IGF1R: variants seen among roughly 807,000 people sequenced by gnomAD.
IGF1R encodes insulin-like growth factor 1 receptor.
IGF1R carries 44 observed loss-of-function variants against 144.6 expected under a neutral mutation model. The ratio of observed to expected loss-of-function variants is 0.30; its 90% CI spans 0.24 to 0.39. The LOEUF (loss-of-function observed/expected upper bound fraction) is 0.39, where lower values mean the gene tolerates loss of function less well. Among genes scored for constraint, IGF1R ranks in the 10% least tolerant of loss-of-function variants. The pLI is 1.00. For synonymous variants in IGF1R, 795 were observed against 722.8 expected (o/e 1.10, Z -1.60); for missense variants, 1,355 against 1,833.7 (o/e 0.74, Z 4.77).
rs545018545 is a variant in IGF1R at position 98,809,498 on chromosome 15, A to C, written c.641-81827A>C. On this transcript the variant is annotated intron_variant, in intron 2 of 20. Coordinates refer to ENST00000650285, the MANE Select transcript of IGF1R (RefSeq NM_000875.5). ...GGGCATTGGGAACATTGCCTGGTCT[A>C]CCGGGCAAGAAACGTGAACCACCGC... 1.1e-3 allele frequency among the ~76,000 whole-genome samples: 163 copies of C among 152,246 alleles called. 3 individuals carry two copies. Among genetic ancestry groups the C allele is most frequent in the South Asian group, 1.9e-3 (9 of 4,816 alleles).
chr15:98,774,380 TG>T (rs1341477234), intron 2 of IGF1R, among the ~76,000 whole-genome samples: 2 of 152,238 alleles, frequency 1.3e-5, no homozygotes, highest in Non-Finnish European at 2.9e-5. Context: ...CTGAAGGATG[TG>T]TTTACCATTG....
At chr15:98,888,438 A>AGAGTGTGT (rs1555457179) in intron 2 of IGF1R, among the ~76,000 whole-genome samples, 4,003 of 143,396 alleles carry the variant, frequency 0.028, 80 homozygotes, top group African/African-American at 0.056. Context: ...AGAGAGAGAG[A>AGAGTGTGT]GTGTGTGTGT....
At chr15:98,734,811 G>A (rs2054574747) in intron 2 of IGF1R, 1 of 152,158 alleles carries the variant, frequency 6.6e-6, no homozygotes, top group Non-Finnish European at 1.5e-5. Context: ...TCTTCTAAGT[G>A]TGATTTTTGC....
chr15:98,799,813 C>G (rs565615360), intron 2 of IGF1R, among the ~76,000 whole-genome samples: 1 of 152,110 alleles, frequency 6.6e-6, no homozygotes, highest in Admixed American at 6.5e-5. Context: ...CACCTGCCCC[C>G]CTTCAAGGTT....
intron 2 of IGF1R, among the ~76,000 whole-genome samples, chr15:98,867,690 G>A (rs976275483): frequency 6.6e-6 from 1 of 152,126 alleles, no homozygotes; most frequent in African/African-American, 2.4e-5. Flanking sequence ...TTACAAACGG[G>A]TAGACCAAGT....
rs1231772717 is a variant in IGF1R, at chr15:98,648,762, A to C, written c.-820A>C. Among the ~76,000 whole-genome samples the C allele has an allele frequency of 1.4e-5, 2 of 143,620 alleles. No individual in the cohort carries two copies. Among genetic ancestry groups the C allele is most frequent in the Admixed American group, 1.4e-4 (2 of 14,696 alleles). 94.2% of individuals were successfully genotyped at this position (143,620 alleles called of 152,430 possible). A position where few individuals can be genotyped will look rare whatever the true frequency, so the allele number is the denominator to read the frequency against. On this transcript the variant is annotated 5_prime_UTR_variant, in exon 1 of 21. Coordinates refer to ENST00000650285, the MANE Select transcript of IGF1R (RefSeq NM_000875.5). ...CTCCCCGGATCCCCCCGCGCCCTCC[A>C]CGCCCCTCCCGCGCGGGGGCAGCTC...
rs1298382031 is a variant in IGF1R, at chr15:98,916,891, T to C, written c.2201+15T>C. ...TTCGTGCCCAGGTACCCAGCTCATG[T>C]GAAATTTCAGTTGGCAAAACCCACT... On this transcript the variant is annotated intron_variant, in intron 10 of 20. Transcript: ENST00000650285. 1.2e-6 allele frequency: 2 copies of C among 1,613,072 alleles called. No individual in the cohort carries two copies. The highest frequency in any genetic ancestry group is 1.7e-6 in the Non-Finnish European group (2 of 1,179,140).
chr15:98,865,473 G>A (rs1567167764), intron 2 of IGF1R, among the ~76,000 whole-genome samples: 1 of 152,160 alleles, frequency 6.6e-6, no homozygotes, highest in African/African-American at 2.4e-5. Flanking sequence ...GTGCATAGCG[G>A]CCACGTGACT....
chr15:98,813,779 T>G (rs2056641626), intron 2 of IGF1R, among the ~76,000 whole-genome samples: 2 of 152,234 alleles, frequency 1.3e-5, no homozygotes, highest in South Asian at 4.1e-4. Flanking sequence ...TATGTCCGAA[T>G]GCTAAGACTT....
chr15:98,956,931 G>A, intron 20 of IGF1R, 130 bp from the exon 21 acceptor site: 1 of 1,019,532 alleles, frequency 9.8e-7, no homozygotes, highest in South Asian at 1.3e-5. Flanking sequence ...GATGGAGAGG[G>A]GCAGCAGGGC....
rs931165030 is a variant in IGF1R, at chr15:98,860,009, G to A, written c.641-31316G>A. Among the ~76,000 whole-genome samples the A allele has an allele frequency of 5.9e-5, 9 of 152,074 alleles. No individual in the cohort carries two copies. In the East Asian group the frequency reaches 7.7e-4, roughly 13 times the overall value. Reference sequence around the variant, plus strand: ...CGGCTCACTGCAACCTTCACCTCCCGGGTTCAAGCAATTCTCCTGCCTCAG... The same window carrying A: ...CGGCTCACTGCAACCTTCACCTCCCAGGTTCAAGCAATTCTCCTGCCTCAG... On this transcript the variant is annotated intron_variant, in intron 2 of 20. Transcript: ENST00000650285.
chr15:98,926,117 T>G (rs1476544239), intron 13 of IGF1R, among the ~76,000 whole-genome samples: 2 of 152,194 alleles, frequency 1.3e-5, no homozygotes, highest in Non-Finnish European at 2.9e-5. Flanking sequence ...TACATATACA[T>G]TATAGAATAC....
intron 2 of IGF1R, among the ~76,000 whole-genome samples, chr15:98,727,523 G>C (rs927853449): frequency 1.2e-4 from 18 of 152,174 alleles, no homozygotes; most frequent in African/African-American, 3.9e-4. Context: ...TCTGCTCTCT[G>C]ATTCCTCAGC....
chr15:98,848,136 G>A (rs2089841392), intron 2 of IGF1R, among the ~76,000 whole-genome samples: 1 of 152,222 alleles, frequency 6.6e-6, no homozygotes, highest in Non-Finnish European at 1.5e-5. Flanking sequence ...AAGAGGATCT[G>A]AGCTGAGTAT....
At chr15:98,904,211 C>T (rs2014620018) in intron 5 of IGF1R, among the ~76,000 whole-genome samples, 1 of 152,022 alleles carries the variant, frequency 6.6e-6, no homozygotes, top group African/African-American at 2.4e-5. Context: ...ACCACCACGC[C>T]CGACTAATTT....
rs5814895 is a variant in IGF1R at position 98,729,563 on chromosome 15, C to CTTT, written c.640+21468_640+21470dup. Among the ~76,000 whole-genome samples the CTTT allele has an allele frequency of 4.8e-5, 7 of 146,062 alleles. No individual in the cohort carries two copies. The East Asian group carries it at 1.0e-3, about 21-fold the overall frequency. Reference sequence around the variant, plus strand: ...GTGCATTAAGAAAAACCCTAATGTGCTTTTTTTTTTTTTTAAGTGAACCTT... The same window carrying CTTT: ...GTGCATTAAGAAAAACCCTAATGTGCTTTTTTTTTTTTTTTTTAAGTGAACCTT... On this transcript the variant is annotated intron_variant, in intron 2 of 20. Coordinates refer to ENST00000650285, the MANE Select transcript of IGF1R (RefSeq NM_000875.5).
chr15:98,764,805 T>C (rs1290312773), intron 2 of IGF1R, among the ~76,000 whole-genome samples: 2 of 152,304 alleles, frequency 1.3e-5, no homozygotes, highest in Non-Finnish European at 2.9e-5. Context: ...AATTTTTTTA[T>C]AGAGGTAAAA....
chr15:98,870,398 C>T lies in IGF1R; in HGVS notation c.641-20927C>T, dbSNP rs560805174. Reference sequence around the variant, plus strand: ...AGGAATGGCACCTACTCAGAGAGGGCGGTCAGGAGAGACCTCTTGGGAATG... The same window carrying T: ...AGGAATGGCACCTACTCAGAGAGGGTGGTCAGGAGAGACCTCTTGGGAATG... On this transcript the variant is annotated intron_variant, in intron 2 of 20. Transcript: ENST00000650285. Among the ~76,000 whole-genome samples, 52 of 152,228 alleles carry T rather than the reference C, an allele frequency of 3.4e-4. No individual in the cohort carries two copies. The South Asian group carries it at 1.0e-2, about 29-fold the overall frequency.
chr15:98,676,916 A>T (rs1330343801), intron 1 of IGF1R, among the ~76,000 whole-genome samples: 2 of 151,634 alleles, frequency 1.3e-5, no homozygotes, highest in East Asian at 1.9e-4. Flanking sequence ...ATATTTTTAA[A>T]TTTTTTTTCA....
Sources: allele counts gnomAD v4.1 joint callset (sites outside exome capture counted in the v4.1 genomes callset), GRCh38; gene constraint gnomAD v4.1.1; transcripts MANE v1.5; gene names NCBI Gene and HGNC (gene_info 2026-07-23, HGNC 2026-07-21).